Variants in PLSCR1 observed in about 807,000 individuals in gnomAD.
PLSCR1 encodes PL scramblase 1.
Under a neutral mutation model 37.8 loss-of-function variants are expected in PLSCR1, and 17 were observed. That is an observed-to-expected ratio of 0.45 (90% CI 0.31 to 0.68). The LOEUF (loss-of-function observed/expected upper bound fraction) is 0.68. Ranked by LOEUF, PLSCR1 falls within the 30% of genes least tolerant of loss-of-function variation. The pLI is 0.06. For missense variants in PLSCR1, 347 were observed against 380.9 expected (o/e 0.91, Z 0.74); for synonymous variants, 116 against 125.9 (o/e 0.92, Z 0.53).
intron 2 of PLSCR1, among the ~76,000 whole-genome samples, chr3:146,536,239 C>T (rs926421393): frequency 3.3e-5 from 5 of 152,100 alleles, no homozygotes; most frequent in African/African-American, 1.2e-4. Context: ...ATATAAAATA[C>T]ACAAAGAGAA....
intron 1 of PLSCR1, among the ~76,000 whole-genome samples, chr3:146,539,211 C>T (rs2044305209): frequency 6.6e-6 from 1 of 152,212 alleles, no homozygotes; most frequent in Admixed American, 6.5e-5. Flanking sequence ...ATTAGATTCT[C>T]ATAAGGAGTG....
rs146347997 is a variant in PLSCR1, at chr3:146,529,311, C to T, written c.95-480G>A. 1.2e-3 allele frequency among the ~76,000 whole-genome samples: 189 copies of T among 152,280 alleles called. 1 individual carries two copies. Among genetic ancestry groups the T allele is most frequent in the African/African-American group, 4.4e-3 (183 of 41,574 alleles). The stretch of plus-strand genomic sequence containing the variant: ...AACTGGGGGTAGTTTTGCCCCCTCT[C>T]TGCCAGGGATATTTGACAAGATCTG... On this transcript the variant is annotated intron_variant, in intron 3 of 8. Coordinates refer to ENST00000342435, the MANE Select transcript of PLSCR1 (RefSeq NM_021105.3).
chr3:146,526,044 G>A (rs113960011), intron 4 of PLSCR1, among the ~76,000 whole-genome samples: 3 of 151,696 alleles, frequency 2.0e-5, no homozygotes, highest in Non-Finnish European at 2.9e-5. Context: ...TGAGCTGGGT[G>A]TGGTGGCAGG....
intron 3 of PLSCR1, among the ~76,000 whole-genome samples, chr3:146,530,606 G>A (rs2044183844): frequency 6.6e-6 from 1 of 152,158 alleles, no homozygotes; most frequent in Non-Finnish European, 1.5e-5. Flanking sequence ...GAAGAGAAAA[G>A]CTTTATATGA....
chr3:146,517,586 T>C (rs1445827306), intron 7 of PLSCR1, among the ~76,000 whole-genome samples: 1 of 152,114 alleles, frequency 6.6e-6, no homozygotes, highest in East Asian at 1.9e-4. Flanking sequence ...AAAGATTAAA[T>C]ATGATGAAAA....
chr3:146,518,435 T>C (rs2043975387), intron 7 of PLSCR1, among the ~76,000 whole-genome samples: 1 of 152,240 alleles, frequency 6.6e-6, no homozygotes, highest in Non-Finnish European at 1.5e-5. Flanking sequence ...TGCAAGCTGC[T>C]GAGTTTTAGG....
At chr3:146,523,977 ACT>A (rs1351449276) in intron 5 of PLSCR1, among the ~76,000 whole-genome samples, 1 of 152,112 alleles carries the variant, frequency 6.6e-6, no homozygotes, top group Non-Finnish European at 1.5e-5. Flanking sequence ...ATGTGGAAAG[ACT>A]CTGAGTCGGA....
chr3:146,528,731 AT>A lies in PLSCR1; in HGVS notation c.194del (p.Asn65IlefsTer29). 6.2e-7 allele frequency: 1 copy of A among 1,614,122 alleles called. No homozygotes were observed. The highest frequency in any genetic ancestry group is 8.5e-7 in the Non-Finnish European group (1 of 1,180,006). On this transcript the variant is annotated frameshift_variant, in exon 4 of 9. Transcript: ENST00000342435. LOFTEE classifies it high-confidence loss of function. ...GPGPAGFPVP[N>X]QPVYNQPVYN... is the part of the protein sequence containing the mutation. Reference sequence around the variant, plus strand: ...ATACTGGCTGATTATACACTGGCTGATTTGGGACAGGAAAGCCAGCTGGGCC... The same window carrying A: ...ATACTGGCTGATTATACACTGGCTGATTGGGACAGGAAAGCCAGCTGGGCC...
In PLSCR1 at chr3:146,515,938, A is replaced by G; in HGVS notation, c.*107T>C. On this transcript the variant is annotated 3_prime_UTR_variant, in exon 9 of 9. Transcript: ENST00000342435. ...ACTATAATTTGAAAAGCAAAAGTATACAACCAGAGCTACAGGCCTTACAGC... is the reference window on the plus strand; with the variant it reads ...ACTATAATTTGAAAAGCAAAAGTATGCAACCAGAGCTACAGGCCTTACAGC... The G allele has an allele frequency of 4.6e-6, 3 of 654,878 alleles. No individual in the cohort carries two copies. The South Asian group carries it at 6.3e-5, about 14-fold the overall frequency. The allele number at this position is 654,878 out of a possible 1,614,324, so 40.6% of individuals were successfully genotyped here.
intron 1 of PLSCR1, among the ~76,000 whole-genome samples, chr3:146,539,311 A>G (rs2044306997): frequency 6.6e-6 from 1 of 152,178 alleles, no homozygotes; most frequent in African/African-American, 2.4e-5. Context: ...CAGGAGGTTG[A>G]GCTCAGGTGG....
rs1237745596 is a variant in PLSCR1 at position 146,515,197 on chromosome 3, T to C, written c.*848A>G. ...ATCAAATATACAAAAAAATCAAGTT[T>C]TTATTTCAAATATTTGAATCTAATA... On this transcript the variant is annotated 3_prime_UTR_variant, in exon 9 of 9. Coordinates refer to ENST00000342435, the MANE Select transcript of PLSCR1 (RefSeq NM_021105.3). The C allele has an allele frequency of 6.6e-6, 1 of 152,212 alleles. No individual in the cohort carries two copies. Among genetic ancestry groups the C allele is most frequent in the Non-Finnish European group, 1.5e-5 (1 of 68,050 alleles). The allele number at this position is 152,212 out of a possible 1,614,324, so 9.4% of individuals were successfully genotyped here.
intron 5 of PLSCR1, among the ~76,000 whole-genome samples, chr3:146,524,290 T>A (rs995402994): frequency 2.0e-5 from 3 of 152,180 alleles, no homozygotes; most frequent in Non-Finnish European, 4.4e-5. Context: ...TTGTTTATAT[T>A]TTTATTGTCT....
At chr3:146,533,258 A>T (rs2044222049) in intron 3 of PLSCR1, among the ~76,000 whole-genome samples, 1 of 152,180 alleles carries the variant, frequency 6.6e-6, no homozygotes. Context: ...TCTATAAATA[A>T]AAATTACTTC....
chr3:146,525,774 T>G, intron 4 of PLSCR1, 127 bp from the exon 5 acceptor site: 1 of 482,374 alleles, frequency 2.1e-6, no homozygotes, highest in Non-Finnish European at 3.7e-6. Flanking sequence ...TTTAACAGCT[T>G]ATATTACTTT....
At chr3:146,518,655 A>G (rs2043978038) in intron 7 of PLSCR1, among the ~76,000 whole-genome samples, 1 of 152,218 alleles carries the variant, frequency 6.6e-6, no homozygotes, top group South Asian at 2.1e-4. Context: ...CACTATACAG[A>G]TAAAGATATT....
At chr3:146,537,208 A>G (rs1252513929) in intron 1 of PLSCR1, among the ~76,000 whole-genome samples, 1 of 151,894 alleles carries the variant, frequency 6.6e-6, no homozygotes, top group East Asian at 1.9e-4. Context: ...TGTACTCGGT[A>G]TTTATACAGA....
intron 5 of PLSCR1, among the ~76,000 whole-genome samples, chr3:146,523,078 C>T (rs982326647): frequency 2.0e-5 from 3 of 152,134 alleles, no homozygotes; most frequent in Non-Finnish European, 2.9e-5. Flanking sequence ...ACTCAGAGGC[C>T]GGTGCTGGCG....
At position 146,522,104 on chromosome 3, in the gene PLSCR1, A is replaced by T. The variant is rs760162780; in HGVS notation, c.356-51T>A. 3.4e-5 allele frequency: 35 copies of T among 1,031,490 alleles called. No individual in the cohort carries two copies. In the African/African-American group the frequency reaches 5.2e-4, roughly 15 times the overall value. 63.9% of individuals were successfully genotyped at this position (1,031,490 alleles called of 1,614,324 possible). ...AATCACCTCTATGTTAAAAATATTG[A>T]ATTTATCCAGATATTATAATATCTA... On this transcript the variant is annotated intron_variant, in intron 5 of 8. Transcript: ENST00000342435.
chr3:146,543,250 G>C (rs1028724200), intron 1 of PLSCR1, among the ~76,000 whole-genome samples: 4 of 152,156 alleles, frequency 2.6e-5, no homozygotes, highest in African/African-American at 4.8e-5. Flanking sequence ...ACACACATCT[G>C]ATGTCTCTCC....
Sources: allele counts gnomAD v4.1 joint callset (sites outside exome capture counted in the v4.1 genomes callset), GRCh38; gene constraint gnomAD v4.1.1; transcripts MANE v1.5; gene names NCBI Gene and HGNC (gene_info 2026-07-23, HGNC 2026-07-21).